Variants in SMAP2 observed in about 807,000 individuals in gnomAD.
The protein encoded by SMAP2 is stromal membrane-associated protein 2.
SMAP2 carries 25 observed loss-of-function variants against 56.4 expected under a neutral mutation model. That is an observed-to-expected ratio of 0.44 (90% confidence interval 0.32 to 0.62). SMAP2 has a LOEUF of 0.62. SMAP2 is among the 20% of genes least tolerant of loss of function. The pLI is 0.04. For missense variants in SMAP2, 388 were observed against 545.6 expected (o/e 0.71, Z 2.88); for synonymous variants, 157 against 181.7 (o/e 0.86, Z 1.09).
intron 5 of SMAP2, chr1:40,413,882 C>T: frequency 2.9e-6 from 1 of 344,920 alleles, no homozygotes; most frequent in South Asian, 3.3e-5. Flanking sequence ...TGTTGGATCC[C>T]CTGTTCTGTG....
At chr1:40,401,438 G>C (rs1340847356) in intron 1 of SMAP2, among the ~76,000 whole-genome samples, 2 of 152,132 alleles carry the variant, frequency 1.3e-5, no homozygotes, top group Non-Finnish European at 2.9e-5. Context: ...TGACAGGTCC[G>C]TTATGCCAGC....
At chr1:40,388,624 T>A (rs1644685467) in intron 1 of SMAP2, among the ~76,000 whole-genome samples, 1 of 152,126 alleles carries the variant, frequency 6.6e-6, no homozygotes, top group African/African-American at 2.4e-5. Flanking sequence ...TCAGGGATTG[T>A]AAACGCACCA....
intron 1 of SMAP2, among the ~76,000 whole-genome samples, chr1:40,382,595 G>A (rs1168380950): frequency 6.6e-6 from 1 of 152,192 alleles, no homozygotes; most frequent in African/African-American, 2.4e-5. Flanking sequence ...TTGGCCCCTG[G>A]AATGTGACAG....
At chr1:40,389,968 C>T (rs1644700948) in intron 1 of SMAP2, among the ~76,000 whole-genome samples, 2 of 149,942 alleles carry the variant, frequency 1.3e-5, no homozygotes, top group South Asian at 4.3e-4. Flanking sequence ...CTAATGTTCC[C>T]TTTGCAGGAT....
At chr1:40,348,873 C>T (rs1055905870) in intron 1 of SMAP2, among the ~76,000 whole-genome samples, 4 of 151,988 alleles carry the variant, frequency 2.6e-5, no homozygotes, top group Admixed American at 2.6e-4. Context: ...CAGATTCAAG[C>T]GATTCTCCTG....
chr1:40,397,500 C>A (rs1164925023), intron 1 of SMAP2, among the ~76,000 whole-genome samples: 2 of 152,164 alleles, frequency 1.3e-5, no homozygotes, highest in Non-Finnish European at 2.9e-5. Flanking sequence ...AATCCGTTTT[C>A]TGTGTTACAG....
rs1553189350 is a variant in SMAP2, at chr1:40,374,641, GAA to G, written c.103+419_103+420del. The G allele has an allele frequency of 1.3e-5, 20 of 1,530,394 alleles. No individual in the cohort carries two copies. Among genetic ancestry groups the G allele is most frequent in the African/African-American group, 5.6e-5 (4 of 71,934 alleles). The allele number at this position is 1,530,394 out of a possible 1,614,324, so 94.8% of individuals were successfully genotyped here. A position where few individuals can be genotyped will look rare whatever the true frequency, so the allele number is the denominator to read the frequency against. The stretch of plus-strand genomic sequence containing the variant: ...TGTGTGTGTGAGAGAGAGAGAGAGA[GAA>G]TGACGAGGAGGAGGAGGAGGGAAGT... On this transcript the variant is annotated intron_variant, in intron 1 of 9. Transcript: ENST00000372718. This position sits in a 1 kb window ranked among gnomAD's most constrained non-coding sequence, Gnocchi z 5.9.
intron 6 of SMAP2, among the ~76,000 whole-genome samples, chr1:40,415,001 C>T (rs1025469599): frequency 1.3e-5 from 2 of 152,156 alleles, no homozygotes; most frequent in Non-Finnish European, 2.9e-5. Context: ...AGAAGGGAGC[C>T]AGCCAGCCCC....
Position 40,416,682 on chromosome 1 carries a change from C to T in SMAP2, c.848-98C>T, listed in dbSNP as rs1216622339. On this transcript the variant is annotated intron_variant, in intron 8 of 9. Transcript: ENST00000372718. ...AAAGAGCATTGTGAGTAGAGTAATC[C>T]TGAGAAATTCCAGCTGGAAAGGGTT... is the stretch of plus-strand genomic sequence containing the variant. 4 of 1,250,108 alleles carry T rather than the reference C, an allele frequency of 3.2e-6. No homozygotes were observed. The African/African-American group carries it at 4.5e-5, about 14-fold the overall frequency. 77.4% of individuals were successfully genotyped at this position (1,250,108 alleles called of 1,614,324 possible). A position where few individuals can be genotyped will look rare whatever the true frequency, so the allele number is the denominator to read the frequency against.
intron 1 of SMAP2, among the ~76,000 whole-genome samples, chr1:40,353,900 A>T (rs941531943): frequency 6.6e-6 from 1 of 152,022 alleles, no homozygotes; most frequent in Non-Finnish European, 1.5e-5. Flanking sequence ...CAGAATGTGC[A>T]TTTCTAACAA....
chr1:40,419,465 A>G (rs1015545775), intron 9 of SMAP2, among the ~76,000 whole-genome samples: 1 of 151,848 alleles, frequency 6.6e-6, no homozygotes, highest in Non-Finnish European at 1.5e-5. Context: ...TGTATTTTTT[A>G]GTAGAGACGG....
Position 40,374,763 on chromosome 1 carries a change from T to C in SMAP2, c.103+540T>C. 6.4e-7 allele frequency: 1 copy of C among 1,550,592 alleles called. No individual in the cohort carries two copies. Among genetic ancestry groups the C allele is most frequent in the African/African-American group, 1.4e-5 (1 of 73,146 alleles). On this transcript the variant is annotated intron_variant, in intron 1 of 9. Coordinates refer to ENST00000372718, the MANE Select transcript of SMAP2 (RefSeq NM_022733.3). This position sits in a 1 kb window ranked among gnomAD's most constrained non-coding sequence, Gnocchi z 5.9. ...TAGCAACTCCTGTCATTTTGCAGCCTTGCTAAGATCTGACAAGAGTGCTTA... is the reference window on the plus strand; with the variant it reads ...TAGCAACTCCTGTCATTTTGCAGCCCTGCTAAGATCTGACAAGAGTGCTTA...
chr1:40,347,309 T>G (rs1644393511), intron 1 of SMAP2, among the ~76,000 whole-genome samples: 1 of 151,062 alleles, frequency 6.6e-6, no homozygotes, highest in South Asian at 2.1e-4. Flanking sequence ...CAGGCTGGTC[T>G]CGAACTCTTG....
rs941393600 is a variant in SMAP2 at position 40,411,788 on chromosome 1, G to A, written c.403-1228G>A. ...ATGTCGTGTTAAAGACATACACTTTGTATGAGAAAAACAGCTGCATGTATT... is the reference window on the plus strand; with the variant it reads ...ATGTCGTGTTAAAGACATACACTTTATATGAGAAAAACAGCTGCATGTATT... On this transcript the variant is annotated intron_variant, in intron 4 of 9. Coordinates refer to ENST00000372718, the MANE Select transcript of SMAP2 (RefSeq NM_022733.3). Among the ~76,000 whole-genome samples, 9 of 151,980 alleles carry A rather than the reference G, an allele frequency of 5.9e-5. No individual in the cohort carries two copies. The East Asian group carries it at 1.7e-3, about 29-fold the overall frequency.
intron 6 of SMAP2, 103 bp from the exon 7 acceptor site, chr1:40,415,169 A>T: frequency 1.2e-6 from 1 of 814,242 alleles, no homozygotes; most frequent in Non-Finnish European, 2.0e-6. Context: ...CTAGATTTCT[A>T]GGTCCATGAG....
At chr1:40,376,128 T>G (rs1644539499) in intron 1 of SMAP2, among the ~76,000 whole-genome samples, 1 of 151,954 alleles carries the variant, frequency 6.6e-6, no homozygotes, top group Admixed American at 6.6e-5. Flanking sequence ...TTTTTGTATT[T>G]TTAGTAGAGA....
intron 8 of SMAP2, 28 bp from the exon 9 acceptor site, chr1:40,416,752 C>T (rs1172311919): frequency 6.3e-7 from 1 of 1,575,700 alleles, no homozygotes; most frequent in Non-Finnish European, 8.7e-7. Context: ...CCCTCTTTAA[C>T]CAACCTGTAT....
chr1:40,389,309 ATT>A (rs11284185), intron 1 of SMAP2, among the ~76,000 whole-genome samples: 15 of 151,688 alleles, frequency 9.9e-5, no homozygotes, highest in Non-Finnish European at 1.3e-4. Flanking sequence ...CTGCATTATT[ATT>A]TTTTTTTTGA....
intron 1 of SMAP2, among the ~76,000 whole-genome samples, chr1:40,347,992 A>G (rs1436751131): frequency 6.6e-6 from 1 of 151,960 alleles, no homozygotes; most frequent in Non-Finnish European, 1.5e-5. Context: ...TCTCACTATT[A>G]TAAATAATGT....
Sources: allele counts gnomAD v4.1 joint callset (sites outside exome capture counted in the v4.1 genomes callset), GRCh38; gene constraint gnomAD v4.1.1; non-coding constraint Gnocchi (gnomAD v3.1); transcripts MANE v1.5; gene names NCBI Gene and HGNC (gene_info 2026-07-23, HGNC 2026-07-21).